Variants in DLGAP2 observed in about 807,000 individuals in gnomAD.
DLGAP2 encodes the protein disks large-associated protein 2.
DLGAP2 carries 26 observed loss-of-function variants against 100.3 expected under a neutral mutation model. The ratio of observed to expected loss-of-function variants is 0.26; its 90% CI spans 0.19 to 0.36. The LOEUF (loss-of-function observed/expected upper bound fraction) is 0.36, where lower values mean the gene tolerates loss of function less well. Among genes scored for constraint, DLGAP2 ranks in the 10% least tolerant of loss-of-function variants. The pLI is 1.00. For missense variants in DLGAP2, 1,858 were observed against 1,453.2 expected, an observed-to-expected ratio of 1.28 and a Z score of -4.53; for synonymous variants, 886 against 630.1, an observed-to-expected ratio of 1.41 and a Z score of -6.08.
chr8:1,067,611 G>GTGTA (rs780655416), intron 2 of DLGAP2, among the ~76,000 whole-genome samples: 2,062 of 91,846 alleles, frequency 0.022, 14 homozygotes, highest in Non-Finnish European at 0.035. Flanking sequence ...TGACGTGTGT[G>GTGTA]TGTGTGTGTG....
chr8:1,562,514 G>A (rs1802209526), intron 5 of DLGAP2, among the ~76,000 whole-genome samples: 1 of 54,290 alleles, frequency 1.8e-5, no homozygotes, highest in Non-Finnish European at 3.7e-5. Context: ...GTGGTGTTGG[G>A]GTGTCCGCGC....
chr8:1,362,340 C>A (rs978809245), intron 3 of DLGAP2, among the ~76,000 whole-genome samples: 1 of 127,948 alleles, frequency 7.8e-6, no homozygotes, highest in Non-Finnish European at 1.6e-5. Flanking sequence ...CTGCCACTTA[C>A]AGCTCTTGAC....
At chr8:1,000,691 G>C (rs1360485490) in intron 2 of DLGAP2, among the ~76,000 whole-genome samples, 1 of 152,140 alleles carries the variant, frequency 6.6e-6, no homozygotes, top group African/African-American at 2.4e-5. Context: ...GCTTTGATGT[G>C]GATAAATTCT....
intron 12 of DLGAP2, among the ~76,000 whole-genome samples, chr8:1,689,167 G>T (rs1234068469): frequency 6.6e-6 from 1 of 152,212 alleles, no homozygotes; most frequent in Non-Finnish European, 1.5e-5. Flanking sequence ...TCGACTTCTG[G>T]AAAGGCTGTC....
chr8:1,566,387 C>G (rs73529622), intron 6 of DLGAP2, among the ~76,000 whole-genome samples: 11,013 of 152,208 alleles, frequency 0.072, 531 homozygotes, highest in African/African-American at 0.12. Flanking sequence ...CATATTTGCC[C>G]AAAATTTATT....
chr8:1,156,673 G>A (rs1242468017), intron 2 of DLGAP2, among the ~76,000 whole-genome samples: 2 of 150,678 alleles, frequency 1.3e-5, no homozygotes, highest in East Asian at 2.0e-4. Context: ...CCAGCTTAGC[G>A]TCCCAGCCCA....
At chr8:1,188,281 G>T (rs1193157204) in intron 2 of DLGAP2, among the ~76,000 whole-genome samples, 1 of 119,482 alleles carries the variant, frequency 8.4e-6, no homozygotes. Flanking sequence ...CCTCTGTGAC[G>T]TTTGCCTCAC....
At chr8:1,574,808 G>A (rs1013762095) in intron 6 of DLGAP2, among the ~76,000 whole-genome samples, 2 of 152,180 alleles carry the variant, frequency 1.3e-5, no homozygotes, top group African/African-American at 2.4e-5. Flanking sequence ...CACAAGAAAG[G>A]AAACCCACGA....
At chr8:1,203,174 C>A (rs749795018) in intron 2 of DLGAP2, among the ~76,000 whole-genome samples, 8 of 152,162 alleles carry the variant, frequency 5.3e-5, no homozygotes. Flanking sequence ...CCTATTAACA[C>A]GATGTGTGTG....
chr8:851,279 A>C (rs116781777), intron 1 of DLGAP2, among the ~76,000 whole-genome samples: 2,463 of 152,294 alleles, frequency 0.016, 32 homozygotes, highest in African/African-American at 0.041. Context: ...GTGTGAGTAC[A>C]GTCTGATGTT....
chr8:1,065,963 G>C (rs553791249), intron 2 of DLGAP2, among the ~76,000 whole-genome samples: 1 of 152,210 alleles, frequency 6.6e-6, no homozygotes, highest in Admixed American at 6.5e-5. Context: ...AGACACTGCC[G>C]AGCTGGACAC....
intron 3 of DLGAP2, among the ~76,000 whole-genome samples, chr8:1,427,958 C>T (rs976164270): frequency 2.0e-5 from 3 of 152,072 alleles, no homozygotes; most frequent in African/African-American, 7.2e-5. Flanking sequence ...GAACTTATAT[C>T]AGTATTTGTA....
chr8:1,697,447 T>C, intron 14 of DLGAP2, 148 bp downstream of exon 14: 1 of 1,180,500 alleles, frequency 8.5e-7, no homozygotes, highest in Non-Finnish European at 1.2e-6. Flanking sequence ...TGTGCACATG[T>C]GTATACGCAC....
intron 3 of DLGAP2, among the ~76,000 whole-genome samples, chr8:1,449,306 G>C (rs1343659353): frequency 6.6e-6 from 1 of 152,216 alleles, no homozygotes; most frequent in Non-Finnish European, 1.5e-5. Context: ...GGCCATGATG[G>C]ACTAAAGAGT....
Position 801,216 on chromosome 8 carries a change from C to T in DLGAP2, c.18+63391C>T, listed in dbSNP as rs151028197. Among the ~76,000 whole-genome samples the T allele has an allele frequency of 1.9e-3, 294 of 152,268 alleles. 3 individuals carry two copies. Among genetic ancestry groups the T allele is most frequent in the African/African-American group, 6.7e-3 (280 of 41,536 alleles). ...GTTGACACGCAGAGTGGCAAGCAGC[C>T]GCAAAGCAATAATTATGATCAATAC... is the stretch of plus-strand genomic sequence containing the variant. On this transcript the variant is annotated intron_variant, in intron 1 of 14. Transcript: ENST00000637795.
chr8:1,680,471 A>G (rs763082931), intron 12 of DLGAP2: 3 of 152,240 alleles, frequency 2.0e-5, no homozygotes, highest in Non-Finnish European at 4.4e-5. Flanking sequence ...GAAGAAAGAA[A>G]GACATTGCCT....
intron 3 of DLGAP2, among the ~76,000 whole-genome samples, chr8:1,284,130 G>A (rs750753048): frequency 1.3e-5 from 2 of 152,336 alleles, no homozygotes; most frequent in Non-Finnish European, 2.9e-5. Context: ...ACACCTCAGA[G>A]CATTGTGACT....
chr8:1,689,431 C>T (rs943506064), intron 12 of DLGAP2, among the ~76,000 whole-genome samples: 1 of 152,196 alleles, frequency 6.6e-6, no homozygotes, highest in Non-Finnish European at 1.5e-5. Context: ...GGATGGATCT[C>T]TCGCCTCTGC....
chr8:1,448,820 T>C (rs1798056337), intron 3 of DLGAP2, among the ~76,000 whole-genome samples: 1 of 152,210 alleles, frequency 6.6e-6, no homozygotes, highest in Non-Finnish European at 1.5e-5. Flanking sequence ...ATTGCCCTGA[T>C]CCGGCCATGG....
Sources: gnomAD v4.1 joint callset for allele counts (sites outside exome capture counted in the v4.1 genomes callset) on GRCh38, gnomAD v4.1.1 for gene constraint, MANE v1.5 for transcripts, NCBI Gene and HGNC (gene_info 2026-07-23, HGNC 2026-07-21) for gene names.